The following DKK4 variants were observed in gnomAD, a reference collection of about 807,000 sequenced individuals.
DKK4 encodes dickkopf-related protein 4.
Under a neutral mutation model 14.5 loss-of-function variants are expected in DKK4, and 15 were observed. The observed-to-expected ratio is 1.03, with a 90% CI of 0.69 to 1.59. The LOEUF (loss-of-function observed/expected upper bound fraction) is 1.59. Among genes scored for constraint, DKK4 ranks in the 40% most tolerant of loss-of-function variants. The pLI is 0.00. For synonymous variants in DKK4, 89 were observed against 105.2 expected (o/e 0.85, Z 0.94); for missense variants, 272 against 280.3 (o/e 0.97, Z 0.21).
chr8:42,390,358 C>CTTTTT, the DKK4 span, among the ~76,000 whole-genome samples: 39 of 99,462 alleles, frequency 3.9e-4, no homozygotes, highest in Non-Finnish European at 5.4e-4. Context: ...CTTTTGCTTC[C>CTTTTT]TTTTTTTTTT....
the DKK4 span, among the ~76,000 whole-genome samples, chr8:42,386,614 G>A: frequency 6.6e-6 from 1 of 152,136 alleles, no homozygotes. Context: ...AGCCCCTCCT[G>A]AGTAGCTGGG....
upstream of DKK4, among the ~76,000 whole-genome samples, chr8:42,377,400 C>G (rs994814448): frequency 3.3e-5 from 5 of 152,174 alleles, no homozygotes; most frequent in Non-Finnish European, 7.3e-5. Flanking sequence ...TGCGGCTTCT[C>G]CTCCAGGGGT....
the DKK4 span, among the ~76,000 whole-genome samples, chr8:42,384,655 G>A: frequency 6.6e-6 from 1 of 152,044 alleles, no homozygotes; most frequent in Non-Finnish European, 1.5e-5. Context: ...GCCTTACCCA[G>A]CCAGGAGTTT....
the DKK4 span, among the ~76,000 whole-genome samples, chr8:42,386,924 T>TA: frequency 6.6e-6 from 1 of 152,158 alleles, no homozygotes; most frequent in African/African-American, 2.4e-5. Flanking sequence ...TCTCTGAGAG[T>TA]AAAACTATAC....
chr8:42,389,314 T>C, the DKK4 span, among the ~76,000 whole-genome samples: 1 of 152,206 alleles, frequency 6.6e-6, no homozygotes, highest in African/African-American at 2.4e-5. Flanking sequence ...TTCACAGATG[T>C]GGAAACTGAG....
At chr8:42,379,758 A>G (rs1443323595), upstream of DKK4, among the ~76,000 whole-genome samples, 2 of 151,968 alleles carry the variant, frequency 1.3e-5, no homozygotes, top group African/African-American at 4.8e-5. Flanking sequence ...TGCAAGAGGG[A>G]GGAGGTGCAC....
upstream of DKK4, among the ~76,000 whole-genome samples, chr8:42,379,610 G>A (rs2130876243): frequency 6.6e-6 from 1 of 152,000 alleles, no homozygotes; most frequent in Admixed American, 6.6e-5. Flanking sequence ...ACGAAGGCAT[G>A]ATTTAGACTT....
At chr8:42,380,846 A>G (rs1824666471), upstream of DKK4, among the ~76,000 whole-genome samples, 1 of 151,216 alleles carries the variant, frequency 6.6e-6, no homozygotes, top group South Asian at 2.1e-4. Context: ...GAAAAAATAA[A>G]TGAAAAAAGG....
the DKK4 span, among the ~76,000 whole-genome samples, chr8:42,384,952 T>G: frequency 6.6e-6 from 1 of 152,208 alleles, no homozygotes; most frequent in Non-Finnish European, 1.5e-5. Flanking sequence ...AAACTGTCTC[T>G]GATTAAATGG....
upstream of DKK4, among the ~76,000 whole-genome samples, chr8:42,378,709 G>A (rs982131149): frequency 7.7e-4 from 117 of 152,156 alleles, no homozygotes; most frequent in African/African-American, 2.8e-3. Context: ...ATACACAGGC[G>A]AAAGAACTGA....
chr8:42,376,856 G>T, intron 1 of DKK4, 79 bp downstream of exon 1: 1 of 1,174,882 alleles, frequency 8.5e-7, no homozygotes, highest in Non-Finnish European at 1.2e-6. Context: ...ACATGAATCA[G>T]AATGACTTAC....
chr8:42,374,825 CCCAGTT>C lies in DKK4; in HGVS notation c.345_350del (p.Thr116_Gly117del). On this transcript the variant is annotated inframe_deletion, in exon 3 of 4. Transcript: ENST00000220812. Reference sequence around the variant, plus strand: ...TGGGTTGGTTTTCCTGGACTGGGTGCCCAGTTGTTCCTTCTGCATGTGTGCCATCTT... The same window carrying C: ...TGGGTTGGTTTTCCTGGACTGGGTGCGTTCCTTCTGCATGTGTGCCATCTT... 4 of 1,614,172 alleles carry C rather than the reference CCCAGTT, an allele frequency of 2.5e-6. No individual in the cohort carries two copies. Among genetic ancestry groups the C allele is most frequent in the Non-Finnish European group, 3.4e-6 (4 of 1,180,046 alleles).
At chr8:42,383,942 C>G in the DKK4 span, among the ~76,000 whole-genome samples, 2 of 151,876 alleles carry the variant, frequency 1.3e-5, no homozygotes, top group Non-Finnish European at 2.9e-5. Context: ...GACTCTGTCT[C>G]AAAAAAGAAA....
upstream of DKK4, among the ~76,000 whole-genome samples, chr8:42,382,161 G>A (rs898531966): frequency 1.3e-5 from 2 of 152,150 alleles, no homozygotes; most frequent in African/African-American, 4.8e-5. Context: ...TTAATCTGAG[G>A]CCTCATTTTG....
chr8:42,384,250 C>G, the DKK4 span, among the ~76,000 whole-genome samples: 1 of 152,190 alleles, frequency 6.6e-6, no homozygotes, highest in Non-Finnish European at 1.5e-5. Flanking sequence ...TAGCCTCAAA[C>G]TCCTGAGCTC....
chr8:42,382,914 G>C, the DKK4 span, among the ~76,000 whole-genome samples: 15 of 152,282 alleles, frequency 9.9e-5, no homozygotes, highest in South Asian at 2.7e-3. Context: ...GTCCTCCCGC[G>C]TGACAGCTGC....
upstream of DKK4, among the ~76,000 whole-genome samples, chr8:42,380,719 GA>G (rs1472134745): frequency 9.2e-5 from 13 of 140,566 alleles, 1 homozygote; most frequent in Middle Eastern, 4.3e-3. Flanking sequence ...AGGAAGGGAG[GA>G]AAAAAGGAAG....
chr8:42,389,536 T>C, the DKK4 span, among the ~76,000 whole-genome samples: 3 of 152,246 alleles, frequency 2.0e-5, no homozygotes, highest in African/African-American at 7.2e-5. Flanking sequence ...TTATCTCTTA[T>C]TAACTTCAAA....
At chr8:42,380,831 G>C (rs1421898645), upstream of DKK4, among the ~76,000 whole-genome samples, 1 of 115,728 alleles carries the variant, frequency 8.6e-6, no homozygotes, top group Non-Finnish European at 1.6e-5. Flanking sequence ...AAGGAAGGAA[G>C]GGAGGAAAAA....
Sources: allele counts gnomAD v4.1 joint callset (sites outside exome capture counted in the v4.1 genomes callset), GRCh38; gene constraint gnomAD v4.1.1; transcripts MANE v1.5; gene names NCBI Gene and HGNC (gene_info 2026-07-23, HGNC 2026-07-21).